ZNF100: variants seen among roughly 807,000 people sequenced by gnomAD.
ZNF100 encodes zinc finger protein 100 (Y1).
In ZNF100, 12 loss-of-function variants were observed where a neutral mutation model predicts 15.8. The observed-to-expected ratio is 0.76, with a 90% CI of 0.49 to 1.23. The LOEUF (loss-of-function observed/expected upper bound fraction) is 1.23. Ranked by LOEUF, ZNF100 falls within the 50% of genes most tolerant of loss-of-function variation. ZNF100 has a pLI of 0.00. For synonymous variants in ZNF100, 226 were observed against 214.8 expected, an observed-to-expected ratio of 1.05 and a Z score of -0.45; for missense variants, 670 against 635.6, an observed-to-expected ratio of 1.05 and a Z score of -0.58.
rs552473990 is a variant in ZNF100 at position 21,729,952 on chromosome 19, C to T, written c.323-1963G>A. ...AGAGGTTTACGTAATCCCCAAGGTC[C>T]AAAAAAGAACATGTGTGTATAGATA... On this transcript the variant is annotated intron_variant, in intron 4 of 4. Transcript: ENST00000358296. Among the ~76,000 whole-genome samples the T allele has an allele frequency of 2.0e-3, 299 of 150,486 alleles. 1 individual carries two copies. The highest frequency in any genetic ancestry group is 7.1e-3 in the African/African-American group (289 of 40,974).
chr19:21,750,813 C>T, intron 2 of ZNF100: 1 of 426,776 alleles, frequency 2.3e-6, no homozygotes, highest in East Asian at 3.5e-5. Flanking sequence ...CTAGAGAAGG[C>T]GCCAGCCCCG....
At chr19:21,745,172 T>C in intron 2 of ZNF100, 105 bp from the exon 3 acceptor site, 2 of 1,475,198 alleles carry the variant, frequency 1.4e-6, no homozygotes, top group Non-Finnish European at 1.8e-6. Context: ...GAATTGGTTC[T>C]GATTAATAGA....
Position 21,727,074 on chromosome 19 carries a change from G to GACCA in ZNF100, c.1234_1237dup (p.Ser413LeufsTer7). 1.2e-6 allele frequency: 2 copies of GACCA among 1,612,604 alleles called. No individual in the cohort carries two copies. The highest frequency in any genetic ancestry group is 2.2e-5 in the South Asian group (2 of 90,994). ...TCTCTTATGTTTAGTGAGGGCTGAG[G>GACCA]ACCAGTTAAAGCCTTTGCCGCATTC... is the stretch of plus-strand genomic sequence containing the variant. On this transcript the variant is annotated frameshift_variant, in exon 5 of 5. Coordinates refer to ENST00000358296, the MANE Select transcript of ZNF100 (RefSeq NM_173531.4). LOFTEE classifies it low-confidence loss of function (END_TRUNC).
chr19:21,743,582 AAAC>A (rs777211131), intron 4 of ZNF100, among the ~76,000 whole-genome samples: 1 of 151,450 alleles, frequency 6.6e-6, no homozygotes, highest in Non-Finnish European at 1.5e-5. Flanking sequence ...TTAACAAACA[AAAC>A]AACGGAACAG....
chr19:21,740,672 T>C (rs547346059), intron 4 of ZNF100, among the ~76,000 whole-genome samples: 1 of 152,132 alleles, frequency 6.6e-6, no homozygotes, highest in Non-Finnish European at 1.5e-5. Context: ...CTGACCAAAT[T>C]ACAAATTAAT....
chr19:21,738,281 A>C (rs377280932), intron 4 of ZNF100, among the ~76,000 whole-genome samples: 7 of 113,014 alleles, frequency 6.2e-5, no homozygotes, highest in African/African-American at 2.0e-4. Context: ...AAAAAAAAAA[A>C]AAAAAAAAAC....
chr19:21,726,484 T>C lies in ZNF100; in HGVS notation c.*199A>G, dbSNP rs937126464. On this transcript the variant is annotated 3_prime_UTR_variant, in exon 5 of 5. Coordinates refer to ENST00000358296, the MANE Select transcript of ZNF100 (RefSeq NM_173531.4). ...CACTATGATTTATGTTTTGAAAAGT[T>C]TGAGGTGTTTTCAAAGCACTGTCAC... 3.5e-5 allele frequency: 19 copies of C among 540,388 alleles called. No homozygotes were observed. Among genetic ancestry groups the C allele is most frequent in the East Asian group, 3.0e-4 (10 of 33,608 alleles). 33.5% of individuals were successfully genotyped at this position (540,388 alleles called of 1,614,324 possible).
chr19:21,762,985 A>T (rs982007934), intron 2 of ZNF100, among the ~76,000 whole-genome samples: 1 of 152,206 alleles, frequency 6.6e-6, no homozygotes, highest in African/African-American at 2.4e-5. Flanking sequence ...CTACACTCCC[A>T]TCAGTGCTAT....
chr19:21,741,064 T>A (rs2036097942), intron 4 of ZNF100, among the ~76,000 whole-genome samples: 2 of 152,180 alleles, frequency 1.3e-5, no homozygotes, highest in Admixed American at 1.3e-4. Context: ...ATACATAAAA[T>A]GGAATATTAT....
chr19:21,766,445 AT>A (rs35317866), intron 1 of ZNF100, among the ~76,000 whole-genome samples: 18 of 147,736 alleles, frequency 1.2e-4, no homozygotes, highest in East Asian at 5.9e-4. Context: ...ACTCAGGTGC[AT>A]TTTTTTTTTA....
chr19:21,767,250 G>C (rs1439969865), intron 1 of ZNF100, among the ~76,000 whole-genome samples, 177 bp downstream of exon 1: 1 of 152,178 alleles, frequency 6.6e-6, no homozygotes, highest in Admixed American at 6.5e-5. Flanking sequence ...GGACGCCTGG[G>C]GTCCTGGCTG....
intron 2 of ZNF100, 121 bp downstream of exon 2, chr19:21,765,573 G>A (rs2145751984): frequency 2.4e-6 from 2 of 828,650 alleles, no homozygotes; most frequent in South Asian, 1.7e-5. Context: ...ATGATCCAGG[G>A]AGCAGAAATT....
chr19:21,742,735 T>C (rs1204871393), intron 4 of ZNF100, among the ~76,000 whole-genome samples: 5 of 152,118 alleles, frequency 3.3e-5, no homozygotes, highest in Non-Finnish European at 7.3e-5. Flanking sequence ...CCATAAACAC[T>C]ACATTGAAAT....
chr19:21,761,224 A>C (rs887655523), intron 2 of ZNF100, among the ~76,000 whole-genome samples: 2 of 152,160 alleles, frequency 1.3e-5, no homozygotes, highest in African/African-American at 4.8e-5. Flanking sequence ...CAAAAAAACT[A>C]TTCTTTTGAA....
chr19:21,736,313 G>C (rs1783119992), intron 4 of ZNF100, among the ~76,000 whole-genome samples: 1 of 151,478 alleles, frequency 6.6e-6, no homozygotes, highest in African/African-American at 2.4e-5. Flanking sequence ...TCAAACTCCT[G>C]ACCTCAGGGG....
intron 2 of ZNF100, among the ~76,000 whole-genome samples, chr19:21,761,192 C>T (rs1210965909): frequency 6.6e-6 from 1 of 152,046 alleles, no homozygotes; most frequent in Non-Finnish European, 1.5e-5. Context: ...CATCACTGAT[C>T]CTTTGTTTTG....
intron 4 of ZNF100, 138 bp downstream of exon 4, chr19:21,743,878 CA>C: frequency 1.4e-6 from 1 of 724,156 alleles, no homozygotes; most frequent in Non-Finnish European, 1.9e-6. Flanking sequence ...AAAAAAAGCC[CA>C]AAAAACAAAA....
At chr19:21,758,730 C>T (rs569468806) in intron 2 of ZNF100, among the ~76,000 whole-genome samples, 2 of 152,200 alleles carry the variant, frequency 1.3e-5, no homozygotes, top group African/African-American at 4.8e-5. Context: ...GGTGTGGACA[C>T]GTCAATGTCT....
chr19:21,723,016 C>T lies in ZNF100; in HGVS notation c.*3667G>A, dbSNP rs1340905158. On this transcript the variant is annotated 3_prime_UTR_variant, in exon 5 of 5. Transcript: ENST00000358296. Reference sequence around the variant, plus strand: ...ACTAATCCGAAAGTTATATTGATAACCAAACTCTCCAGTTAAAAACAATTA... The same window carrying T: ...ACTAATCCGAAAGTTATATTGATAATCAAACTCTCCAGTTAAAAACAATTA... 6.6e-6 allele frequency: 1 copy of T among 151,696 alleles called. No homozygotes were observed. The highest frequency in any genetic ancestry group is 1.5e-5 in the Non-Finnish European group (1 of 67,968). 9.4% of individuals were successfully genotyped at this position (151,696 alleles called of 1,614,324 possible).
Sources: gnomAD v4.1 joint callset for allele counts (sites outside exome capture counted in the v4.1 genomes callset) on GRCh38, gnomAD v4.1.1 for gene constraint, MANE v1.5 for transcripts, NCBI Gene and HGNC (gene_info 2026-07-23, HGNC 2026-07-21) for gene names.